The following SUGCT variants were observed in gnomAD, a reference collection of about 807,000 sequenced individuals.
The protein encoded by SUGCT is succinyl-CoA:glutarate-CoA transferase.
Under a neutral mutation model 55.0 loss-of-function variants are expected in SUGCT, and 41 were observed. The observed-to-expected ratio is 0.74, with a 90% confidence interval of 0.58 to 0.97. The LOEUF is 0.97. SUGCT is among the 50% of genes least tolerant of loss of function. The probability of loss-of-function intolerance (pLI) is 0.00; values close to 1 mark genes in which losing one functional copy is unlikely to be tolerated. For missense variants in SUGCT, 568 were observed against 547.8 expected (o/e 1.04, Z -0.37); for synonymous variants, 187 against 200.4 (o/e 0.93, Z 0.56).
intron 12 of SUGCT, among the ~76,000 whole-genome samples, chr7:40,506,149 G>T (rs967520881): frequency 2.6e-5 from 4 of 152,036 alleles, no homozygotes; most frequent in African/African-American, 9.7e-5. Context: ...CACCCTAAAA[G>T]ATTTTCTTTG....
intron 13 of SUGCT, among the ~76,000 whole-genome samples, chr7:40,805,859 C>G (rs1242592252): frequency 6.6e-6 from 1 of 152,156 alleles, no homozygotes; most frequent in Non-Finnish European, 1.5e-5. Context: ...GGGTGTTGCT[C>G]TGACTTGGAC....
At chr7:40,604,435 G>A (rs1798432075) in intron 12 of SUGCT, among the ~76,000 whole-genome samples, 1 of 152,118 alleles carries the variant, frequency 6.6e-6, no homozygotes, top group Admixed American at 6.5e-5. Context: ...TTTAGAATGT[G>A]AGAGGATGTC....
the SUGCT span, among the ~76,000 whole-genome samples, chr7:40,897,997 G>C: frequency 1.3e-5 from 2 of 152,174 alleles, no homozygotes; most frequent in Non-Finnish European, 2.9e-5. Flanking sequence ...CACCCGCTCA[G>C]GTTCCCTTCC....
chr7:40,453,227 G>T lies in SUGCT; in HGVS notation c.888+3869G>T, dbSNP rs570284287. On this transcript the variant is annotated intron_variant, in intron 10 of 13. Coordinates refer to ENST00000335693, the MANE Select transcript of SUGCT (RefSeq NM_001193313.2). The stretch of plus-strand genomic sequence containing the variant: ...ATGAGCAGGAGCCAACTCTGAGAAA[G>T]AAGAACTTTCTTCATTGCTGAGCTG... Among the ~76,000 whole-genome samples, 8 of 152,290 alleles carry T rather than the reference G, an allele frequency of 5.3e-5. No individual in the cohort carries two copies. The East Asian group carries it at 1.5e-3, about 29-fold the overall frequency.
the SUGCT span, among the ~76,000 whole-genome samples, chr7:41,032,469 G>A: frequency 6.6e-6 from 1 of 151,820 alleles, no homozygotes; most frequent in Non-Finnish European, 1.5e-5. Flanking sequence ...CCTGTTGCCT[G>A]TCTTCCTCTT....
the SUGCT span, among the ~76,000 whole-genome samples, chr7:40,913,523 A>G: frequency 2.0e-5 from 3 of 152,232 alleles, no homozygotes; most frequent in Non-Finnish European, 4.4e-5. Context: ...GCTTTTAGAA[A>G]GAAATTCCAG....
At chr7:40,852,212 G>A (rs1793887049) in intron 13 of SUGCT, among the ~76,000 whole-genome samples, 1 of 152,162 alleles carries the variant, frequency 6.6e-6, no homozygotes, top group African/African-American at 2.4e-5. Context: ...CAGAAACTCA[G>A]TATTCTTCTT....
At chr7:40,444,459 C>G (rs1788698713) in intron 9 of SUGCT, among the ~76,000 whole-genome samples, 1 of 152,040 alleles carries the variant, frequency 6.6e-6, no homozygotes, top group African/African-American at 2.4e-5. Context: ...AGTTGGATTC[C>G]TAGGCATTTT....
chr7:40,353,689 A>C (rs1296856395), intron 9 of SUGCT, among the ~76,000 whole-genome samples: 1 of 152,178 alleles, frequency 6.6e-6, no homozygotes, highest in African/African-American at 2.4e-5. Context: ...TAGATATGCA[A>C]GTTGAGATTT....
the SUGCT span, among the ~76,000 whole-genome samples, chr7:40,933,959 A>G: frequency 6.6e-6 from 1 of 152,172 alleles, no homozygotes; most frequent in Non-Finnish European, 1.5e-5. Context: ...GTCATTCTTC[A>G]TCCAGCTTTG....
intron 12 of SUGCT, among the ~76,000 whole-genome samples, chr7:40,542,429 G>A (rs1794743448): frequency 1.3e-5 from 2 of 152,178 alleles, no homozygotes; most frequent in Non-Finnish European, 2.9e-5. Context: ...CTGTATCCCT[G>A]TCAATGTAGA....
At chr7:40,576,400 T>A (rs1796761425) in intron 12 of SUGCT, among the ~76,000 whole-genome samples, 1 of 152,144 alleles carries the variant, frequency 6.6e-6, no homozygotes, top group African/African-American at 2.4e-5. Flanking sequence ...CAGAGGAAAA[T>A]GTTTCTTCCA....
At chr7:40,956,115 T>C in the SUGCT span, among the ~76,000 whole-genome samples, 1 of 152,312 alleles carries the variant, frequency 6.6e-6, no homozygotes, top group African/African-American at 2.4e-5. Flanking sequence ...TCTGACAGGT[T>C]TTGGTATCAG....
At chr7:40,600,942 T>C (rs974139588) in intron 12 of SUGCT, among the ~76,000 whole-genome samples, 1 of 152,190 alleles carries the variant, frequency 6.6e-6, no homozygotes, top group African/African-American at 2.4e-5. Flanking sequence ...TATGTTCCAA[T>C]AGTTTTTGGT....
At chr7:40,546,465 A>G (rs1794996144) in intron 12 of SUGCT, among the ~76,000 whole-genome samples, 2 of 152,206 alleles carry the variant, frequency 1.3e-5, no homozygotes, top group African/African-American at 4.8e-5. Flanking sequence ...AGGGCATTAA[A>G]ATTAAAGCCT....
the SUGCT span, among the ~76,000 whole-genome samples, chr7:40,885,815 T>C: frequency 1.3e-5 from 2 of 152,182 alleles, no homozygotes; most frequent in Non-Finnish European, 2.9e-5. Context: ...CAAAGGGCAA[T>C]CTGACTTGTC....
chr7:40,218,917 G>C (rs1332087671), intron 6 of SUGCT, among the ~76,000 whole-genome samples: 1 of 152,160 alleles, frequency 6.6e-6, no homozygotes, highest in African/African-American at 2.4e-5. Context: ...CTGGCCACCC[G>C]AGCCAGTGGC....
At chr7:40,307,759 A>G (rs1794916497) in intron 8 of SUGCT, among the ~76,000 whole-genome samples, 1 of 152,174 alleles carries the variant, frequency 6.6e-6, no homozygotes, top group South Asian at 2.1e-4. Context: ...CATGGACAAT[A>G]TACCTTATGT....
chr7:40,533,280 G>C (rs7776976), intron 12 of SUGCT, among the ~76,000 whole-genome samples: 39,178 of 151,924 alleles, frequency 0.26, 7,199 homozygotes, highest in African/African-American at 0.52. Context: ...TGTCTATTTT[G>C]TTAAAGGGTA....
Sources: allele counts gnomAD v4.1 joint callset (sites outside exome capture counted in the v4.1 genomes callset), GRCh38; gene constraint gnomAD v4.1.1; transcripts MANE v1.5; gene names NCBI Gene and HGNC (gene_info 2026-07-23, HGNC 2026-07-21).